The following CA10 variants were observed in gnomAD, a reference collection of about 807,000 sequenced individuals.
CA10 encodes the protein carbonic anhydrase 10 (inactive), also known as carbonic anhydrase-related protein 10.
A neutral mutation model predicts 44.2 loss-of-function variants in CA10; 14 were observed. The observed-to-expected ratio is 0.32, with a 90% CI of 0.21 to 0.50. The LOEUF (loss-of-function observed/expected upper bound fraction) is 0.50. Among genes scored for constraint, CA10 ranks in the 20% least tolerant of loss-of-function variants. The probability of loss-of-function intolerance (pLI) is 0.99; values close to 1 mark genes in which losing one functional copy is unlikely to be tolerated. For synonymous variants in CA10, 159 were observed against 141.6 expected (o/e 1.12, Z -0.87); for missense variants, 350 against 409.7 (o/e 0.85, Z 1.26).
intron 1 of CA10, among the ~76,000 whole-genome samples, chr17:52,155,894 T>G (rs1989793779): frequency 6.6e-6 from 1 of 152,210 alleles, no homozygotes; most frequent in Non-Finnish European, 1.5e-5. Flanking sequence ...TTGAATAATT[T>G]AGTTGCTGAT....
At chr17:51,931,700 T>C (rs1304792849) in intron 2 of CA10, among the ~76,000 whole-genome samples, 1 of 152,140 alleles carries the variant, frequency 6.6e-6, no homozygotes, top group African/African-American at 2.4e-5. Flanking sequence ...AGTTCAACAC[T>C]GTGTCATTAA....
chr17:51,810,504 G>C (rs1003627032), intron 3 of CA10, among the ~76,000 whole-genome samples: 5 of 152,074 alleles, frequency 3.3e-5, no homozygotes, highest in Admixed American at 1.3e-4. Context: ...AAGAGAGGAA[G>C]GGCATTCCAA....
At chr17:52,026,053 T>C (rs1222989697) in intron 2 of CA10, among the ~76,000 whole-genome samples, 3 of 152,220 alleles carry the variant, frequency 2.0e-5, no homozygotes, top group Middle Eastern at 3.4e-3. Flanking sequence ...ATCTTTTAAA[T>C]TGAGAGAAGA....
At chr17:51,761,182 A>G (rs1440497840) in intron 3 of CA10, 3 of 152,150 alleles carry the variant, frequency 2.0e-5, no homozygotes, top group Non-Finnish European at 4.4e-5. Flanking sequence ...TTAGGCATCT[A>G]ATGCCAGTAA....
intron 3 of CA10, among the ~76,000 whole-genome samples, chr17:51,883,167 A>G (rs1376224528): frequency 6.6e-6 from 1 of 152,184 alleles, no homozygotes; most frequent in African/African-American, 2.4e-5. Context: ...TTATTTTGAC[A>G]GGGTTAACAA....
chr17:51,859,050 TATTA>T (rs149156202), intron 3 of CA10, among the ~76,000 whole-genome samples: 4,289 of 152,184 alleles, frequency 0.028, 135 homozygotes, highest in Admixed American at 0.1. Flanking sequence ...GTTAGTTAAT[TATTA>T]ATTAATTGTT....
At chr17:52,086,854 TAGC>T (rs1756674434) in intron 1 of CA10, among the ~76,000 whole-genome samples, 1 of 152,368 alleles carries the variant, frequency 6.6e-6, no homozygotes, top group South Asian at 2.1e-4. Flanking sequence ...TCTCTACACT[TAGC>T]AGTCTTTTCC....
intron 4 of CA10, among the ~76,000 whole-genome samples, chr17:51,737,891 T>C (rs1279375508): frequency 6.6e-6 from 1 of 152,202 alleles, no homozygotes; most frequent in Non-Finnish European, 1.5e-5. Context: ...GATAGATTTA[T>C]AGAGGCTGAC....
intron 1 of CA10, among the ~76,000 whole-genome samples, chr17:52,092,871 T>C (rs971772930): frequency 6.6e-6 from 1 of 152,182 alleles, no homozygotes; most frequent in Non-Finnish European, 1.5e-5. Flanking sequence ...TTGATTTCTA[T>C]CTATTCTCTG....
chr17:51,905,526 CTTTTTTTTTTT>C (rs34606778), intron 3 of CA10, among the ~76,000 whole-genome samples: 7 of 99,856 alleles, frequency 7.0e-5, no homozygotes, highest in Non-Finnish European at 1.3e-4. Flanking sequence ...CCTATCAGTC[CTTTTTTTTTTT>C]TTTTTTTTTT....
intron 3 of CA10, chr17:51,748,598 T>C: frequency 2.0e-6 from 1 of 510,054 alleles, no homozygotes; most frequent in Non-Finnish European, 2.5e-6. Context: ...AACTCTACTT[T>C]CTTACTCTCT....
chr17:51,848,090 T>C (rs1019264418), intron 3 of CA10, among the ~76,000 whole-genome samples: 1 of 152,142 alleles, frequency 6.6e-6, no homozygotes, highest in Non-Finnish European at 1.5e-5. Flanking sequence ...ATCTCAGTGA[T>C]TGAGATAAGT....
chr17:51,884,232 C>T (rs550338735), intron 3 of CA10, among the ~76,000 whole-genome samples: 27 of 152,166 alleles, frequency 1.8e-4, no homozygotes, highest in Non-Finnish European at 4.4e-5. Flanking sequence ...TCTTTGAGAA[C>T]CTTCAGTAAT....
chr17:51,936,748 T>C (rs1567891915), intron 2 of CA10, among the ~76,000 whole-genome samples: 1 of 145,796 alleles, frequency 6.9e-6, no homozygotes, highest in Non-Finnish European at 1.5e-5. Flanking sequence ...GATTTTTTAA[T>C]TAAAGGCAGG....
At position 52,001,885 on chromosome 17, in the gene CA10, G is replaced by T. The variant is rs536068186; in HGVS notation, c.136+70434C>A. 6.6e-5 allele frequency among the ~76,000 whole-genome samples: 10 copies of T among 152,100 alleles called. No homozygotes were observed. The East Asian group carries it at 2.0e-3, about 30-fold the overall frequency. Reference sequence around the variant, plus strand: ...ATAATAATGTTACAGCGAAGTCATTGTGCTGGAGAGCTCAGGGCAGCCTTC... The same window carrying T: ...ATAATAATGTTACAGCGAAGTCATTTTGCTGGAGAGCTCAGGGCAGCCTTC... On this transcript the variant is annotated intron_variant, in intron 2 of 8. Coordinates refer to ENST00000451037, the MANE Select transcript of CA10 (RefSeq NM_020178.5).
chr17:52,098,810 C>T (rs756868869), intron 1 of CA10, among the ~76,000 whole-genome samples: 23 of 152,106 alleles, frequency 1.5e-4, no homozygotes, highest in Non-Finnish European at 2.9e-4. Context: ...GGGCCCATTG[C>T]TATATTAAAG....
chr17:51,662,220 T>G (rs1006141518), intron 4 of CA10, among the ~76,000 whole-genome samples: 1 of 152,238 alleles, frequency 6.6e-6, no homozygotes, highest in Admixed American at 6.5e-5. Context: ...TTTCAAGGCA[T>G]ATTCAACTCA....
chr17:51,849,779 A>T (rs573682117), intron 3 of CA10, among the ~76,000 whole-genome samples: 1 of 152,216 alleles, frequency 6.6e-6, no homozygotes, highest in African/African-American at 2.4e-5. Context: ...GGCAAAAACC[A>T]CTCGGGAAAT....
At chr17:51,994,512 G>T (rs1224657355) in intron 2 of CA10, among the ~76,000 whole-genome samples, 1 of 151,942 alleles carries the variant, frequency 6.6e-6, no homozygotes, top group African/African-American at 2.4e-5. Flanking sequence ...AAATGAGATT[G>T]GTCTGTCTTT....
Sources: allele counts gnomAD v4.1 joint callset (sites outside exome capture counted in the v4.1 genomes callset), GRCh38; gene constraint gnomAD v4.1.1; transcripts MANE v1.5; gene names NCBI Gene and HGNC (gene_info 2026-07-23, HGNC 2026-07-21).